The following CYP2E1 variants were observed in gnomAD, a reference collection of about 807,000 sequenced individuals.
CYP2E1 encodes the protein cytochrome P450 family 2 subfamily E member 1.
Under a neutral mutation model 42.9 loss-of-function variants are expected in CYP2E1, and 31 were observed. The ratio of observed to expected loss-of-function variants is 0.72; its 90% CI spans 0.54 to 0.98. The LOEUF (loss-of-function observed/expected upper bound fraction) is 0.98. CYP2E1 is among the 50% of genes least tolerant of loss of function. The probability of loss-of-function intolerance (pLI) is 0.00; values close to 1 mark genes in which losing one functional copy is unlikely to be tolerated. For synonymous variants in CYP2E1, 244 were observed against 248.9 expected, an observed-to-expected ratio of 0.98 and a Z score of 0.19; for missense variants, 565 against 633.2, an observed-to-expected ratio of 0.89 and a Z score of 1.16.
chr10:133,536,118 C>G (rs1851391731), intron 6 of CYP2E1, among the ~76,000 whole-genome samples: 1 of 152,122 alleles, frequency 6.6e-6, no homozygotes, highest in Admixed American at 6.5e-5. Flanking sequence ...ATAAACAAGC[C>G]TGGGGTAATT....
Position 133,537,125 on chromosome 10 carries a change from A to C in CYP2E1, c.1030A>C (p.Arg344=). ...AAGCCGAATCCCTGCCATCAAGGAT[A>C]GGCAAGAGATGCCCTACATGGATGC... ...GPSRIPAIKD[R]QEMPYMDAVV... The change falls in exon 7 of 9, where the codon AGG becomes CGG. Residue 344 remains arginine, a synonymous_variant. Coordinates refer to ENST00000252945, the MANE Select transcript of CYP2E1 (RefSeq NM_000773.4). The C allele has an allele frequency of 6.2e-7, 1 of 1,614,040 alleles. No individual in the cohort carries two copies. Among genetic ancestry groups the C allele is most frequent in the Non-Finnish European group, 8.5e-7 (1 of 1,179,940 alleles).
At chr10:133,531,762 A>G in intron 3 of CYP2E1, 28 bp downstream of exon 3, 1 of 1,556,908 alleles carries the variant, frequency 6.4e-7, no homozygotes, top group Non-Finnish European at 8.7e-7. Context: ...AGCAGGGCCC[A>G]GTCCTCTTGC....
At chr10:133,537,922 T>C in intron 8 of CYP2E1, 30 bp downstream of exon 8, 1 of 1,604,722 alleles carries the variant, frequency 6.2e-7, no homozygotes, top group Non-Finnish European at 8.5e-7. Flanking sequence ...GTACCTTCCC[T>C]TGAGGAGCAG....
At chr10:133,536,986 A>AGATGGGTGAT in intron 6 of CYP2E1, 77 bp from the exon 7 acceptor site, 1 of 1,046,422 alleles carries the variant, frequency 9.6e-7, no homozygotes, top group Non-Finnish European at 1.5e-6. Flanking sequence ...GTGATTGAAT[A>AGATGGGTGAT]GATGGGTGGA....
At chr10:133,528,094 G>A (rs144308241) in intron 1 of CYP2E1, 20 of 238,878 alleles carry the variant, frequency 8.4e-5, no homozygotes, top group Non-Finnish European at 1.5e-4. Flanking sequence ...GGCTGACGGC[G>A]GGCGGGGGTC....
At chr10:133,528,677 T>A in intron 2 of CYP2E1, 37 bp downstream of exon 2, 1 of 1,609,730 alleles carries the variant, frequency 6.2e-7, no homozygotes, top group Non-Finnish European at 8.5e-7. Context: ...GGGGGGTGCA[T>A]AACACGCCCC....
At chr10:133,533,015 C>A in intron 5 of CYP2E1, 147 bp downstream of exon 5, 1 of 793,190 alleles carries the variant, frequency 1.3e-6, no homozygotes, top group Non-Finnish European at 1.9e-6. Context: ...TTGGCTTCAG[C>A]ATGACCACTG....
chr10:133,530,146 G>T (rs895253746), intron 2 of CYP2E1, among the ~76,000 whole-genome samples: 20 of 152,190 alleles, frequency 1.3e-4, no homozygotes, highest in Non-Finnish European at 2.8e-4. Flanking sequence ...GCGCAGACTG[G>T]CGGAAAATTA....
chr10:133,528,734 A>C, intron 2 of CYP2E1, 94 bp downstream of exon 2: 1 of 1,405,594 alleles, frequency 7.1e-7, no homozygotes, highest in Non-Finnish European at 9.9e-7. Flanking sequence ...CAAATAATAA[A>C]CTAACAGTAA....
rs1305455892 is a variant in CYP2E1, at chr10:133,537,265, C to G, written c.1155+15C>G. ...TCATCCCCAAGGTTAAGCAATGAGCCTGCAGCACACAGCATGAACACCATC... is the reference window on the plus strand; with the variant it reads ...TCATCCCCAAGGTTAAGCAATGAGCGTGCAGCACACAGCATGAACACCATC... On this transcript the variant is annotated intron_variant, in intron 7 of 8. Coordinates refer to ENST00000252945, the MANE Select transcript of CYP2E1 (RefSeq NM_000773.4). 6.8e-6 allele frequency: 11 copies of G among 1,611,398 alleles called. No individual in the cohort carries two copies. Among genetic ancestry groups the G allele is most frequent in the Non-Finnish European group, 9.3e-6 (11 of 1,178,324 alleles).
chr10:133,536,976 G>A lies in CYP2E1; in HGVS notation c.968-87G>A, dbSNP rs115499725. The A allele has an allele frequency of 8.4e-4, 1,072 of 1,274,546 alleles. 6 individuals are homozygous for A. In the African/African-American group the frequency reaches 0.013, roughly 15 times the overall value. The allele number at this position is 1,274,546 out of a possible 1,614,324, so 79.0% of individuals were successfully genotyped here. ...TGTAGGTGGGCAGATGGATAAAAGCGTGATTGAATAGATGGGTGGATGATG... is the reference window on the plus strand; with the variant it reads ...TGTAGGTGGGCAGATGGATAAAAGCATGATTGAATAGATGGGTGGATGATG... On this transcript the variant is annotated intron_variant, in intron 6 of 8. Coordinates refer to ENST00000252945, the MANE Select transcript of CYP2E1 (RefSeq NM_000773.4).
In CYP2E1 at chr10:133,538,946, T is replaced by C. The variant is rs1436249380; in HGVS notation, c.1464T>C (p.Cys488=). 3 of 1,612,856 alleles carry C rather than the reference T, an allele frequency of 1.9e-6. No homozygotes were observed. The highest frequency in any genetic ancestry group is 2.5e-6 in the Non-Finnish European group (3 of 1,179,364). The change falls in exon 9 of 9, where the codon TGT becomes TGC. Residue 488 remains cysteine (C), a synonymous_variant. Coordinates refer to ENST00000252945, the MANE Select transcript of CYP2E1 (RefSeq NM_000773.4). The stretch of plus-strand genomic sequence containing the variant: ...GTATCCCACCACGTTACAAACTCTG[T>C]GTCATTCCCCGCTCATGAGTGTGTG... The part of the protein sequence containing the change: ...FGCIPPRYKL[C]VIPRS
At chr10:133,531,562 T>G in intron 2 of CYP2E1, 23 bp from the exon 3 acceptor site, 1 of 1,613,846 alleles carries the variant, frequency 6.2e-7, no homozygotes, top group South Asian at 1.1e-5. Flanking sequence ...TAGAATAACC[T>G]TCTGCTGGCC....
At chr10:133,529,079 C>T (rs8192769) in intron 2 of CYP2E1, among the ~76,000 whole-genome samples, 8,015 of 152,276 alleles carry the variant, frequency 0.053, 282 homozygotes, top group South Asian at 0.14. Context: ...TGCTCAGCTG[C>T]AGCTGGTGAC....
At position 133,528,552 on chromosome 10, in the gene CYP2E1, C is replaced by T. The variant is rs779825840; in HGVS notation, c.249C>T (p.Tyr83=). The change falls in exon 2 of 9, where the codon TAC becomes TAT. Residue 83 remains tyrosine, a synonymous_variant. Coordinates refer to ENST00000252945, the MANE Select transcript of CYP2E1 (RefSeq NM_000773.4). ...GSQRMVVMHG[Y]KAVKEALLDY... Reference sequence around the variant, plus strand: ...AGCGCATGGTGGTGATGCACGGCTACAAGGCGGTGAAGGAAGCGCTGCTGG... The same window carrying T: ...AGCGCATGGTGGTGATGCACGGCTATAAGGCGGTGAAGGAAGCGCTGCTGG... 44 of 1,613,566 alleles carry T rather than the reference C, an allele frequency of 2.7e-5. No homozygotes were observed. Among genetic ancestry groups the T allele is most frequent in the Non-Finnish European group, 3.6e-5 (42 of 1,179,968 alleles).
At chr10:133,533,227 G>A (rs1851359374) in intron 5 of CYP2E1, among the ~76,000 whole-genome samples, 1 of 152,176 alleles carries the variant, frequency 6.6e-6, no homozygotes, top group Admixed American at 6.5e-5. Flanking sequence ...GGACTTCCAG[G>A]CCTCCCCAGC....
intron 2 of CYP2E1, 129 bp downstream of exon 2, chr10:133,528,769 A>T (rs1230889794): frequency 8.9e-6 from 11 of 1,229,700 alleles, no homozygotes; most frequent in Admixed American, 2.2e-5. Context: ...CATCCGAAGG[A>T]TGAGATCAGG....
chr10:133,532,024 C>T, intron 3 of CYP2E1, 100 bp from the exon 4 acceptor site: 1 of 1,130,954 alleles, frequency 8.8e-7, no homozygotes, highest in East Asian at 2.4e-5. Flanking sequence ...GTTTTCAGGG[C>T]ACCTTCTCAC....
intron 2 of CYP2E1, among the ~76,000 whole-genome samples, chr10:133,530,741 C>T (rs1217942753): frequency 1.3e-5 from 2 of 152,162 alleles, no homozygotes; most frequent in South Asian, 2.1e-4. Context: ...AAGAGGAAGA[C>T]GGAGAGCGAG....
Sources: gnomAD v4.1 joint callset for allele counts (sites outside exome capture counted in the v4.1 genomes callset) on GRCh38, gnomAD v4.1.1 for gene constraint, MANE v1.5 for transcripts, NCBI Gene and HGNC (gene_info 2026-07-23, HGNC 2026-07-21) for gene names.